MBOAT7: variants seen among roughly 807,000 people sequenced by gnomAD.
MBOAT7 encodes the protein membrane-bound acylglycerophosphatidylinositol O-acyltransferase MBOAT7.
MBOAT7 carries 40 observed loss-of-function variants against 47.4 expected under a neutral mutation model. The ratio of observed to expected loss-of-function variants is 0.84; its 90% CI spans 0.66 to 1.10. MBOAT7 has a LOEUF of 1.10. MBOAT7 is among the 50% of genes least tolerant of loss of function. The pLI is 0.00. For synonymous variants in MBOAT7, 361 were observed against 292.0 expected (o/e 1.24, Z -2.41); for missense variants, 680 against 655.6 (o/e 1.04, Z -0.41).
At chr19:54,181,159 G>T in intron 5 of MBOAT7, 26 bp from the exon 6 acceptor site, 3 of 1,452,240 alleles carry the variant, frequency 2.1e-6, no homozygotes, top group South Asian at 2.9e-5. Flanking sequence ...GGAGGGCCGC[G>T]GTCAGACAGG....
In MBOAT7 at chr19:54,187,261, C is replaced by G. The variant is rs1298399991; in HGVS notation, c.233G>C (p.Trp78Ser). ...PCSCHALALAWTFSYLLFFRA... is the reference protein window; with the variant it reads ...PCSCHALALASTFSYLLFFRA... ...GAAGAACAGGAGATAGGAGAAAGTC[C>G]AGGCCAGAGCCAGGGCGTGGCAGGA... Residue 78 changes from tryptophan (W) to serine (S), a missense_variant, in exon 4 of 8, where the codon TGG (tryptophan) becomes TCG (serine). Coordinates refer to ENST00000245615, the MANE Select transcript of MBOAT7 (RefSeq NM_024298.5). 6.2e-7 allele frequency: 1 copy of G among 1,610,682 alleles called. No homozygotes were observed. The highest frequency in any genetic ancestry group is 1.1e-5 in the South Asian group (1 of 90,516).
chr19:54,176,403 C>G (rs2146965128), intron 7 of MBOAT7, among the ~76,000 whole-genome samples: 1 of 151,708 alleles, frequency 6.6e-6, no homozygotes, highest in South Asian at 2.1e-4. Context: ...GCTAAAAATA[C>G]AAAGATTAGT....
chr19:54,182,545 T>G (rs1035199921), intron 5 of MBOAT7, among the ~76,000 whole-genome samples: 2 of 151,838 alleles, frequency 1.3e-5, no homozygotes, highest in African/African-American at 4.8e-5. Context: ...AGTTGTATGT[T>G]TTAAGTGGAT....
intron 7 of MBOAT7, among the ~76,000 whole-genome samples, chr19:54,175,273 CG>C (rs1300323336): frequency 1.1e-4 from 16 of 152,292 alleles, no homozygotes; most frequent in African/African-American, 3.8e-4. Flanking sequence ...ACACCACACC[CG>C]GGCAGCCCGG....
Position 54,189,384 on chromosome 19 carries a change from T to G in MBOAT7, c.-50A>C, listed in dbSNP as rs917911307. 42 of 152,724 alleles carry G rather than the reference T, an allele frequency of 2.8e-4. 1 individual carries two copies. Among genetic ancestry groups the G allele is most frequent in the African/African-American group, 1.0e-3 (42 of 41,434 alleles). The allele number at this position is 152,724 out of a possible 1,614,324, so 9.5% of individuals were successfully genotyped here. A position where few individuals can be genotyped will look rare whatever the true frequency, so the allele number is the denominator to read the frequency against. ...AGGCGGCCGAGCAGTCCCAGCCCGC[T>G]TGCCGCCGCAGCTCCGGCCACGCCT... is the stretch of plus-strand genomic sequence containing the variant. On this transcript the variant is annotated 5_prime_UTR_variant, in exon 1 of 8. Coordinates refer to ENST00000245615, the MANE Select transcript of MBOAT7 (RefSeq NM_024298.5).
Position 54,173,887 on chromosome 19 carries a change from C to A in MBOAT7, c.*157G>T, listed in dbSNP as rs2075987036. ...TCTGGGCAGAGGGCAGGGAGGACAC[C>A]CCCGGGTCTGCTTCAGTTGCAGGCA... On this transcript the variant is annotated 3_prime_UTR_variant, in exon 8 of 8. Coordinates refer to ENST00000245615, the MANE Select transcript of MBOAT7 (RefSeq NM_024298.5). 3.4e-6 allele frequency: 3 copies of A among 892,880 alleles called. No individual in the cohort carries two copies. In the African/African-American group the frequency reaches 5.2e-5, roughly 15 times the overall value. The allele number at this position is 892,880 out of a possible 1,614,324, so 55.3% of individuals were successfully genotyped here. A position where few individuals can be genotyped will look rare whatever the true frequency, so the allele number is the denominator to read the frequency against.
At chr19:54,187,361 C>G (rs1041304427) in intron 3 of MBOAT7, 74 bp from the exon 4 acceptor site, 1 of 1,476,450 alleles carries the variant, frequency 6.8e-7, no homozygotes, top group Non-Finnish European at 9.0e-7. Flanking sequence ...ACGAGTCCAG[C>G]CACCAATCCT....
chr19:54,180,064 T>G lies in MBOAT7; in HGVS notation c.854+709A>C, dbSNP rs536617205. The stretch of plus-strand genomic sequence containing the variant: ...GGTGGAGCCTCTCTGGCAACAAGGG[T>G]CAACCCATAGTTTCCAGGGGGAGGT... On this transcript the variant is annotated intron_variant, in intron 6 of 7. Coordinates refer to ENST00000245615, the MANE Select transcript of MBOAT7 (RefSeq NM_024298.5). This position sits in a 1 kb window ranked among gnomAD's most constrained non-coding sequence, Gnocchi z 5.2. 3 of 152,230 alleles carry G rather than the reference T, an allele frequency of 2.0e-5. No individual in the cohort carries two copies. In the East Asian group the frequency reaches 5.8e-4, roughly 30 times the overall value. The allele number at this position is 152,230 out of a possible 1,614,324, so 9.4% of individuals were successfully genotyped here.
intron 6 of MBOAT7, chr19:54,179,598 G>C (rs557014974): frequency 6.6e-6 from 1 of 152,552 alleles, no homozygotes; most frequent in African/African-American, 2.4e-5. Context: ...TGAAGCCTTG[G>C]TGGCCTCTGA....
Position 54,183,600 on chromosome 19 carries a change from G to A in MBOAT7, c.414C>T (p.Pro138=). The change falls in exon 5 of 8, where the codon CCC becomes CCT. Residue 138 remains proline (P), a synonymous_variant. Coordinates refer to ENST00000245615, the MANE Select transcript of MBOAT7 (RefSeq NM_024298.5). ...GCACGTCGGGCAGCAGCCCCAGGGT[G>A]GGCCCCTTGCTGAAGCCTGAGGCCA... is the stretch of plus-strand genomic sequence containing the variant. ...KEMASGFSKG[P]TLGLLPDVPS... 1 of 1,608,272 alleles carries A rather than the reference G, an allele frequency of 6.2e-7. No homozygotes were observed. The highest frequency in any genetic ancestry group is 8.5e-7 in the Non-Finnish European group (1 of 1,177,524).
rs1199615086 is a variant in MBOAT7, at chr19:54,173,739, C to G, written c.*305G>C. ...AAAGAAAGGGAATTTGCCCAAAACCCACTGCCCAGGGGCCCCTTCCGTTTT... is the reference window on the plus strand; with the variant it reads ...AAAGAAAGGGAATTTGCCCAAAACCGACTGCCCAGGGGCCCCTTCCGTTTT... On this transcript the variant is annotated 3_prime_UTR_variant, in exon 8 of 8. Transcript: ENST00000245615. 1 of 371,394 alleles carries G rather than the reference C, an allele frequency of 2.7e-6. No individual in the cohort carries two copies. The highest frequency in any genetic ancestry group is 2.1e-5 in the African/African-American group (1 of 47,920). The allele number at this position is 371,394 out of a possible 1,614,324, so 23.0% of individuals were successfully genotyped here. A position where few individuals can be genotyped will look rare whatever the true frequency, so the allele number is the denominator to read the frequency against.
intron 4 of MBOAT7, among the ~76,000 whole-genome samples, chr19:54,185,718 G>C (rs2147024967): frequency 6.6e-6 from 1 of 151,680 alleles, no homozygotes; most frequent in East Asian, 2.0e-4. Flanking sequence ...TTTTGAGATG[G>C]AATCTTGCCC....
In MBOAT7 at chr19:54,174,115, C is replaced by T; in HGVS notation, c.1348G>A (p.Gly450Ser). 6.2e-7 allele frequency: 1 copy of T among 1,605,988 alleles called. No individual in the cohort carries two copies. The highest frequency in any genetic ancestry group is 1.1e-5 in the South Asian group (1 of 90,408). ...GCTGCCTTCCGCCGGCTGGGGCTGCCCCCACCTAAAGCCAGCCCCAGCCCC... is the reference window on the plus strand; with the variant it reads ...GCTGCCTTCCGCCGGCTGGGGCTGCTCCCACCTAAAGCCAGCCCCAGCCCC... ...ALGLGLALGG[G>S]SPSRRKAASQ... The change falls in exon 8 of 8, where the codon GGC becomes AGC. Residue 450 changes from glycine (G) to serine (S), a missense_variant. Gly to Ser is a moderately conservative substitution (Grantham distance 56, BLOSUM62 0). Coordinates refer to ENST00000245615, the MANE Select transcript of MBOAT7 (RefSeq NM_024298.5).
intron 4 of MBOAT7, among the ~76,000 whole-genome samples, chr19:54,185,771 C>A (rs1406244748): frequency 2.0e-5 from 3 of 151,968 alleles, no homozygotes; most frequent in Non-Finnish European, 4.4e-5. Context: ...TCTTGGCTCA[C>A]TGCAACCTCC....
At chr19:54,177,900 GTTTTTTT>G (rs761565984) in intron 7 of MBOAT7, among the ~76,000 whole-genome samples, 26 of 75,968 alleles carry the variant, frequency 3.4e-4, no homozygotes, top group South Asian at 4.9e-4. Context: ...TTCTACTTCT[GTTTTTTT>G]TTTTTTTTTT....
intron 6 of MBOAT7, 143 bp from the exon 7 acceptor site, chr19:54,179,084 C>A: frequency 8.2e-7 from 1 of 1,213,578 alleles, no homozygotes; most frequent in Non-Finnish European, 1.1e-6. Flanking sequence ...CTTGCTAGGG[C>A]AGCAAGGGAG....
At chr19:54,186,836 T>G in intron 4 of MBOAT7, 1 of 341,270 alleles carries the variant, frequency 2.9e-6, no homozygotes, top group Non-Finnish European at 5.4e-6. Context: ...TTTTTCTCCT[T>G]TGCAAAATAG....
At position 54,187,223 on chromosome 19, in the gene MBOAT7, G is replaced by A. The variant is rs1488179810; in HGVS notation, c.271C>T (p.Leu91Phe). The part of the protein sequence containing the change: ...SYLLFFRALS[L>F]LGLPTPTPFT... ...GGCGTGGGAGTGGGCAGGCCCAGGAGGCTGAGGGCTCGGAAGAACAGGAGA... is the reference window on the plus strand; with the variant it reads ...GGCGTGGGAGTGGGCAGGCCCAGGAAGCTGAGGGCTCGGAAGAACAGGAGA... The change falls in exon 4 of 8, where the codon CTC becomes TTC. Residue 91 changes from leucine to phenylalanine, a missense_variant. Leu to Phe is a conservative substitution (Grantham distance 22). Transcript: ENST00000245615. 1.9e-6 allele frequency: 3 copies of A among 1,606,284 alleles called. No individual in the cohort carries two copies. The highest frequency in any genetic ancestry group is 2.2e-5 in the South Asian group (2 of 89,918).
Position 54,178,747 on chromosome 19 carries a change from C to T in MBOAT7, c.1031+18G>A. ...TGTAGTTCTGCAGTGTCACCTGAGA[C>T]TGGGCGGGCTCACTCACCGCAGGAC... On this transcript the variant is annotated intron_variant, in intron 7 of 7. Coordinates refer to ENST00000245615, the MANE Select transcript of MBOAT7 (RefSeq NM_024298.5). 1 of 1,611,550 alleles carries T rather than the reference C, an allele frequency of 6.2e-7. No homozygotes were observed. Among genetic ancestry groups the T allele is most frequent in the Non-Finnish European group, 8.5e-7 (1 of 1,178,704 alleles).
Sources: allele counts gnomAD v4.1 joint callset (sites outside exome capture counted in the v4.1 genomes callset), GRCh38; gene constraint gnomAD v4.1.1; non-coding constraint Gnocchi (gnomAD v3.1); transcripts MANE v1.5; gene names NCBI Gene and HGNC (gene_info 2026-07-23, HGNC 2026-07-21).